The following HLCS variants were observed in gnomAD, a reference collection of about 807,000 sequenced individuals.
HLCS encodes biotin--protein ligase.
In HLCS, 53 loss-of-function variants were observed where a neutral mutation model predicts 75.0. That is an observed-to-expected ratio of 0.71 (90% CI 0.57 to 0.89). The LOEUF is 0.89. Ranked by LOEUF, HLCS falls within the 40% of genes least tolerant of loss-of-function variation. The pLI is 0.00. For synonymous variants in HLCS, 431 were observed against 428.6 expected, an observed-to-expected ratio of 1.01 and a Z score of -0.07; for missense variants, 966 against 1,074.0, an observed-to-expected ratio of 0.90 and a Z score of 1.41.
At chr21:36,939,213 T>C (rs1353843676) in intron 2 of HLCS, among the ~76,000 whole-genome samples, 1 of 152,180 alleles carries the variant, frequency 6.6e-6, no homozygotes, top group African/African-American at 2.4e-5. Flanking sequence ...ACACTAAATA[T>C]AACTCTCTCA....
intron 6 of HLCS, among the ~76,000 whole-genome samples, chr21:36,869,190 T>C (rs954248369): frequency 1.1e-4 from 16 of 152,116 alleles, no homozygotes; most frequent in Admixed American, 9.2e-4. Flanking sequence ...AGTGGTGCGA[T>C]CTCGGCTCAC....
chr21:36,794,471 C>T (rs2060966619), intron 6 of HLCS, among the ~76,000 whole-genome samples: 1 of 152,130 alleles, frequency 6.6e-6, no homozygotes, highest in Non-Finnish European at 1.5e-5. Context: ...GCCAAAGGCC[C>T]TCAGTGGGAT....
chr21:36,780,241 T>C (rs577959587), intron 6 of HLCS, among the ~76,000 whole-genome samples: 73 of 152,184 alleles, frequency 4.8e-4, no homozygotes, highest in African/African-American at 1.7e-3. Flanking sequence ...ATAGAGCTTT[T>C]CCTCATTTTT....
chr21:36,841,249 T>G (rs2062605082), intron 6 of HLCS, among the ~76,000 whole-genome samples: 1 of 152,224 alleles, frequency 6.6e-6, no homozygotes, highest in Admixed American at 6.5e-5. Context: ...CCAAGGATAT[T>G]CTTTTGGCTT....
At chr21:36,821,640 C>T (rs997171399) in intron 6 of HLCS, among the ~76,000 whole-genome samples, 3 of 152,214 alleles carry the variant, frequency 2.0e-5, no homozygotes, top group African/African-American at 4.8e-5. Flanking sequence ...ATGTTCACAT[C>T]GTTACCGCTT....
intron 1 of HLCS, among the ~76,000 whole-genome samples, chr21:36,982,244 T>C (rs1268862352): frequency 6.6e-6 from 1 of 152,220 alleles, no homozygotes; most frequent in Non-Finnish European, 1.5e-5. Context: ...TGTTTAGCCA[T>C]TCTCCTGGGG....
At chr21:36,832,222 C>A (rs1489741704) in intron 6 of HLCS, among the ~76,000 whole-genome samples, 1 of 152,090 alleles carries the variant, frequency 6.6e-6, no homozygotes. Context: ...CAAGTTATAA[C>A]CTAACGAAAG....
chr21:36,876,551 T>C (rs1297604447), intron 6 of HLCS, among the ~76,000 whole-genome samples: 1 of 152,216 alleles, frequency 6.6e-6, no homozygotes, highest in Non-Finnish European at 1.5e-5. Flanking sequence ...TTCTAAATAC[T>C]TGTGGGTTTC....
intron 6 of HLCS, among the ~76,000 whole-genome samples, chr21:36,861,904 C>T (rs1326500420): frequency 6.6e-6 from 1 of 152,116 alleles, no homozygotes; most frequent in Non-Finnish European, 1.5e-5. Flanking sequence ...AGAAATCCCT[C>T]ACACATTAGC....
chr21:36,988,376 T>A (rs2069267867), intron 1 of HLCS, among the ~76,000 whole-genome samples: 2 of 152,236 alleles, frequency 1.3e-5, no homozygotes, highest in Admixed American at 1.3e-4. Flanking sequence ...TCACTCCACA[T>A]CAGTTCAGAG....
intron 6 of HLCS, among the ~76,000 whole-genome samples, chr21:36,882,621 T>C (rs1438687426): frequency 2.6e-5 from 1 of 37,940 alleles, no homozygotes; most frequent in African/African-American, 4.3e-4. Context: ...TCTTTCTTTC[T>C]TTTTTTTTTT....
intron 2 of HLCS, among the ~76,000 whole-genome samples, chr21:36,953,410 CAGG>C (rs1219667137): frequency 2.0e-5 from 3 of 152,264 alleles, no homozygotes; most frequent in South Asian, 4.1e-4. Context: ...GGAGGGAAGA[CAGG>C]AGAAGGAACC....
chr21:36,867,571 C>T (rs1012435918), intron 6 of HLCS, among the ~76,000 whole-genome samples: 1 of 152,170 alleles, frequency 6.6e-6, no homozygotes, highest in Non-Finnish European at 1.5e-5. Context: ...AAAATCTCTA[C>T]CCCTCTATTT....
chr21:36,756,368 G>A (rs975169430), intron 10 of HLCS, among the ~76,000 whole-genome samples, 174 bp downstream of exon 10: 7 of 148,810 alleles, frequency 4.7e-5, no homozygotes, highest in African/African-American at 9.9e-5. Context: ...GGAGAATGGC[G>A]TGAACCCGGG....
intron 5 of HLCS, among the ~76,000 whole-genome samples, chr21:36,912,422 T>C (rs2065759159): frequency 6.6e-6 from 1 of 152,122 alleles, no homozygotes; most frequent in Admixed American, 6.5e-5. Context: ...GTCACTTGTA[T>C]GAAATATCCA....
At chr21:36,946,376 G>C (rs981567312) in intron 2 of HLCS, among the ~76,000 whole-genome samples, 1 of 151,888 alleles carries the variant, frequency 6.6e-6, no homozygotes, top group African/African-American at 2.4e-5. Flanking sequence ...CGAGTAGCTG[G>C]GACGACAGGC....
chr21:36,833,583 T>TA (rs202073421), intron 6 of HLCS, among the ~76,000 whole-genome samples: 41,337 of 141,604 alleles, frequency 0.29, 6,298 homozygotes, highest in African/African-American at 0.35. Context: ...GGAGACTGTC[T>TA]AAAAAAAAAT....
intron 6 of HLCS, among the ~76,000 whole-genome samples, chr21:36,777,441 AC>A (rs750509776): frequency 2.0e-5 from 3 of 152,282 alleles, no homozygotes; most frequent in Non-Finnish European, 4.4e-5. Flanking sequence ...CAAGGGCCAA[AC>A]TTTGCCAACC....
chr21:36,902,443 C>G (rs1467681165), intron 5 of HLCS, among the ~76,000 whole-genome samples: 1 of 152,202 alleles, frequency 6.6e-6, no homozygotes, highest in Non-Finnish European at 1.5e-5. Flanking sequence ...CTGCGGACAC[C>G]TGGTCTTATG....
Sources: allele counts gnomAD v4.1 joint callset (sites outside exome capture counted in the v4.1 genomes callset), GRCh38; gene constraint gnomAD v4.1.1; transcripts MANE v1.5; gene names NCBI Gene and HGNC (gene_info 2026-07-23, HGNC 2026-07-21).